SNX27: variants seen among roughly 807,000 people sequenced by gnomAD.
SNX27 encodes sorting nexin 27.
Under a neutral mutation model 71.6 loss-of-function variants are expected in SNX27, and 22 were observed. That is an observed-to-expected ratio of 0.31 (90% confidence interval 0.22 to 0.44). The LOEUF (loss-of-function observed/expected upper bound fraction) is 0.44, where lower values mean the gene tolerates loss of function less well. Among genes scored for constraint, SNX27 ranks in the 20% least tolerant of loss-of-function variants. The pLI, the probability that SNX27 is intolerant of heterozygous loss-of-function variation, is 1.00. For missense variants in SNX27, 531 were observed against 698.6 expected, an observed-to-expected ratio of 0.76 and a Z score of 2.70; for synonymous variants, 269 against 277.2, an observed-to-expected ratio of 0.97 and a Z score of 0.29.
In SNX27 at chr1:151,693,501, T is replaced by G. The variant is rs781549825; in HGVS notation, c.1578+18T>G. Reference sequence around the variant, plus strand: ...GAAAAGAGGTAATTCTGAACAGTCCTTGAATTGACCTTTTCATCTTTTTGT... The same window carrying G: ...GAAAAGAGGTAATTCTGAACAGTCCGTGAATTGACCTTTTCATCTTTTTGT... On this transcript the variant is annotated intron_variant, in intron 11 of 11. Transcript: ENST00000458013. 6.2e-7 allele frequency: 1 copy of G among 1,614,056 alleles called. No homozygotes were observed. The highest frequency in any genetic ancestry group is 1.1e-5 in the South Asian group (1 of 91,084).
chr1:151,694,142 C>T (rs1054494238), intron 11 of SNX27: 2 of 1,300,432 alleles, frequency 1.5e-6, no homozygotes, highest in Non-Finnish European at 2.0e-6. Context: ...GCCTCCCTAG[C>T]TTTCAGTTTT....
intron 1 of SNX27, among the ~76,000 whole-genome samples, chr1:151,637,347 T>G (rs974433663): frequency 1.3e-5 from 2 of 151,674 alleles, no homozygotes; most frequent in Non-Finnish European, 2.9e-5. Flanking sequence ...CCCGGCTAAT[T>G]TTTTGTATTT....
chr1:151,668,747 G>A lies in SNX27; in HGVS notation c.1149+112G>A, dbSNP rs993740264. ...GACAGGCTGCTTTGCTCCTGGGTCT[G>A]AATTACATTTGTAAAATGTTCTATC... is the stretch of plus-strand genomic sequence containing the variant. On this transcript the variant is annotated intron_variant, in intron 7 of 11. Transcript: ENST00000458013. 11 of 857,906 alleles carry A rather than the reference G, an allele frequency of 1.3e-5. No homozygotes were observed. The African/African-American group carries it at 1.9e-4, about 15-fold the overall frequency. The allele number at this position is 857,906 out of a possible 1,614,324, so 53.1% of individuals were successfully genotyped here.
intron 2 of SNX27, among the ~76,000 whole-genome samples, chr1:151,640,144 A>G (rs1558045690): frequency 6.6e-6 from 1 of 152,196 alleles, no homozygotes; most frequent in Non-Finnish European, 1.5e-5. Flanking sequence ...ATAATGGCAT[A>G]TAGGTTTTAT....
intron 7 of SNX27, among the ~76,000 whole-genome samples, chr1:151,675,058 C>A (rs983512784): frequency 1.3e-5 from 2 of 152,144 alleles, no homozygotes; most frequent in African/African-American, 4.8e-5. Flanking sequence ...TCCTAGATGG[C>A]CACCTGGTGC....
intron 2 of SNX27, among the ~76,000 whole-genome samples, chr1:151,655,791 T>G (rs1669655805): frequency 1.3e-5 from 2 of 152,242 alleles, no homozygotes. Flanking sequence ...TGGAGAATGT[T>G]TTTTATTTAG....
At chr1:151,626,263 A>C (rs1486539308) in intron 1 of SNX27, among the ~76,000 whole-genome samples, 1 of 148,948 alleles carries the variant, frequency 6.7e-6, no homozygotes, top group Admixed American at 6.6e-5. Flanking sequence ...GTATGTGATT[A>C]ACTTTTTTTT....
intron 2 of SNX27, among the ~76,000 whole-genome samples, chr1:151,640,626 C>T (rs961287897): frequency 6.6e-6 from 1 of 152,162 alleles, no homozygotes; most frequent in African/African-American, 2.4e-5. Flanking sequence ...CCACCTGCCT[C>T]AGCCTCCCAA....
intron 1 of SNX27, chr1:151,615,839 G>A (rs1667402113): frequency 8.1e-6 from 8 of 984,266 alleles, no homozygotes; most frequent in Non-Finnish European, 9.7e-6. Context: ...AAATTTAAGG[G>A]CATACAAACT....
At position 151,696,627 on chromosome 1, in the gene SNX27, CCCTT is replaced by C. The variant is rs1354530573; in HGVS notation, c.*2223_*2226del. 5.9e-5 allele frequency: 8 copies of C among 136,664 alleles called. No homozygotes were observed. Among genetic ancestry groups the C allele is most frequent in the Non-Finnish European group, 9.4e-5 (6 of 63,612 alleles). The allele number at this position is 136,664 out of a possible 1,614,324, so 8.5% of individuals were successfully genotyped here. Reference sequence around the variant, plus strand: ...ATCATTGTGAGGCCACTTTTCTTTCCCCTTCCTTCCTTCCTTTTTTTCTGTTTTT... The same window carrying C: ...ATCATTGTGAGGCCACTTTTCTTTCCCCTTCCTTCCTTTTTTTCTGTTTTT... On this transcript the variant is annotated 3_prime_UTR_variant, in exon 12 of 12. Coordinates refer to ENST00000458013, the MANE Select transcript of SNX27 (RefSeq NM_001330723.2).
chr1:151,679,241 CTG>C (rs1237631520), intron 7 of SNX27: 1 of 152,110 alleles, frequency 6.6e-6, no homozygotes, highest in Admixed American at 6.5e-5. Context: ...GTCAGTTAAA[CTG>C]ATACATCATT....
chr1:151,637,655 A>G (rs1156366575), intron 1 of SNX27, among the ~76,000 whole-genome samples: 1 of 152,162 alleles, frequency 6.6e-6, no homozygotes, highest in African/African-American at 2.4e-5. Flanking sequence ...TTTACTGGCT[A>G]GATTGTTAAA....
In SNX27 at chr1:151,695,773, T is replaced by C. The variant is rs1477371224; in HGVS notation, c.*1356T>C. The C allele has an allele frequency of 1.3e-5, 2 of 152,170 alleles. No individual in the cohort carries two copies. The highest frequency in any genetic ancestry group is 2.4e-5 in the African/African-American group (1 of 41,418). 9.4% of individuals were successfully genotyped at this position (152,170 alleles called of 1,614,324 possible). On this transcript the variant is annotated 3_prime_UTR_variant, in exon 12 of 12. Coordinates refer to ENST00000458013, the MANE Select transcript of SNX27 (RefSeq NM_001330723.2). ...GTACTCAGGACCAGAGTTAAGCTGA[T>C]ACCTTAGGCACACAGGTTGGACTTA...
Position 151,692,919 on chromosome 1 carries a change from A to T in SNX27, c.1398A>T (p.Val466=). Residue 466 remains valine, a synonymous_variant, in exon 10 of 12, where the codon GTA becomes GTT. Transcript: ENST00000458013. ...CTEEGQLENQ[V]IAFEWDEMQR... The stretch of plus-strand genomic sequence containing the variant: ...TTGTCTTGGTTGTCCAGAACCAGGT[A>T]ATTGCATTTGAATGGGATGAGATGC... 1 of 1,614,152 alleles carries T rather than the reference A, an allele frequency of 6.2e-7. No individual in the cohort carries two copies. Among genetic ancestry groups the T allele is most frequent in the Non-Finnish European group, 8.5e-7 (1 of 1,180,012 alleles).
chr1:151,629,282 A>C (rs1668085551), intron 1 of SNX27: 1 of 151,928 alleles, frequency 6.6e-6, no homozygotes, highest in South Asian at 2.1e-4. Flanking sequence ...AAACAACCTA[A>C]ATAATAATGG....
At chr1:151,656,587 G>A (rs1669701660) in intron 2 of SNX27, among the ~76,000 whole-genome samples, 1 of 152,164 alleles carries the variant, frequency 6.6e-6, no homozygotes, top group Non-Finnish European at 1.5e-5. Flanking sequence ...GGTTGAATAT[G>A]CATATAACTC....
chr1:151,647,244 A>G (rs1669090588), intron 2 of SNX27, among the ~76,000 whole-genome samples: 2 of 151,260 alleles, frequency 1.3e-5, no homozygotes, highest in Non-Finnish European at 2.9e-5. Flanking sequence ...TCCGTCTCCC[A>G]GGTTCAAGTG....
At chr1:151,674,450 C>T (rs902192990) in intron 7 of SNX27, among the ~76,000 whole-genome samples, 1 of 152,112 alleles carries the variant, frequency 6.6e-6, no homozygotes, top group Admixed American at 6.6e-5. Flanking sequence ...ATTGGTTCAT[C>T]AAACCATGTT....
chr1:151,661,511 T>G (rs1042733879), intron 4 of SNX27: 1 of 152,322 alleles, frequency 6.6e-6, no homozygotes. Flanking sequence ...ATGGACTTGG[T>G]CTGAAATAAT....
Sources: allele counts gnomAD v4.1 joint callset (sites outside exome capture counted in the v4.1 genomes callset), GRCh38; gene constraint gnomAD v4.1.1; transcripts MANE v1.5; gene names NCBI Gene and HGNC (gene_info 2026-07-23, HGNC 2026-07-21).